The following ITGA9 variants were observed in gnomAD, a reference collection of about 807,000 sequenced individuals.
The protein encoded by ITGA9 is integrin subunit alpha 9, also known as integrin alpha-9.
ITGA9 carries 56 observed loss-of-function variants against 127.8 expected under a neutral mutation model. That is an observed-to-expected ratio of 0.44 (90% CI 0.35 to 0.55). The LOEUF (loss-of-function observed/expected upper bound fraction) is 0.55. Ranked by LOEUF, ITGA9 falls within the 20% of genes least tolerant of loss-of-function variation. The pLI is 0.00. For missense variants in ITGA9, 1,196 were observed against 1,347.1 expected (o/e 0.89, Z 1.76); for synonymous variants, 508 against 514.5 (o/e 0.99, Z 0.17).
rs368987610 is a variant in ITGA9 at position 37,629,299 on chromosome 3, G to A, written c.1802G>A (p.Arg601His). Residue 601 changes from arginine to histidine, a missense_variant, in exon 16 of 28, where the codon CGC becomes CAC. By Grantham distance (29) the Arg-to-His change is conservative. Coordinates refer to ENST00000264741, the MANE Select transcript of ITGA9 (RefSeq NM_002207.3). The surrounding 1 kb of genome is among the most constrained non-coding windows in gnomAD (Gnocchi z 4.5). ...RELPPLTPVL[R>H]WKKGQKIAQK... ...CTGCCGCCTCTGACACCAGTTCTCCGCTGGAAAAAGGGACAAAAGATTGCC... is the reference window on the plus strand; with the variant it reads ...CTGCCGCCTCTGACACCAGTTCTCCACTGGAAAAAGGGACAAAAGATTGCC... 13 of 1,613,966 alleles carry A rather than the reference G, an allele frequency of 8.1e-6. No homozygotes were observed. Among genetic ancestry groups the A allele is most frequent in the East Asian group, 6.7e-5 (3 of 44,890 alleles).
chr3:37,629,201 C>G lies in ITGA9; in HGVS notation c.1704C>G (p.Asp568Glu). The change falls in exon 16 of 28, where the codon GAC becomes GAG. Residue 568 changes from aspartate (D) to glutamate (E), a missense_variant. Asp to Glu is a conservative substitution (Grantham distance 45). Transcript: ENST00000264741. This position sits in a 1 kb window ranked among gnomAD's most constrained non-coding sequence, Gnocchi z 4.5. The stretch of plus-strand genomic sequence containing the variant: ...TATTGTTTCAGCGGAGGGTGCAGGA[C>G]GTCATCAGCCCGATCGTGTTTGAAG... ...YVAHVKRRVQ[D>E]VISPIVFEAA... 1 of 1,612,834 alleles carries G rather than the reference C, an allele frequency of 6.2e-7. No individual in the cohort carries two copies. The highest frequency in any genetic ancestry group is 8.5e-7 in the Non-Finnish European group (1 of 1,179,898).
intron 15 of ITGA9, among the ~76,000 whole-genome samples, chr3:37,544,618 G>A (rs899098301): frequency 6.6e-6 from 1 of 152,134 alleles, no homozygotes; most frequent in Non-Finnish European, 1.5e-5. Flanking sequence ...GAGTTTGGAG[G>A]CTGAGCTCAG....
intron 26 of ITGA9, among the ~76,000 whole-genome samples, chr3:37,797,765 G>A (rs982658142): frequency 4.0e-5 from 6 of 151,302 alleles, no homozygotes; most frequent in South Asian, 2.1e-4. Context: ...TCACTGTGTC[G>A]CTCAGGCTGG....
intron 15 of ITGA9, among the ~76,000 whole-genome samples, chr3:37,612,465 G>C (rs1700032372): frequency 6.6e-6 from 1 of 152,182 alleles, no homozygotes; most frequent in African/African-American, 2.4e-5. Flanking sequence ...CTATAATATA[G>C]TGTGTAATAT....
chr3:37,780,049 A>G (rs762698221), intron 25 of ITGA9, 28 bp downstream of exon 25: 1 of 1,612,922 alleles, frequency 6.2e-7, no homozygotes, highest in Non-Finnish European at 8.5e-7. Flanking sequence ...GCACTTGTGG[A>G]TGCATTTAGA....
At chr3:37,704,637 C>A (rs1700984352) in intron 18 of ITGA9, among the ~76,000 whole-genome samples, 1 of 152,216 alleles carries the variant, frequency 6.6e-6, no homozygotes, top group Non-Finnish European at 1.5e-5. Context: ...CCCAATATCA[C>A]TGGGAAAAAC....
At chr3:37,536,514 T>C (rs999175556) in intron 14 of ITGA9, among the ~76,000 whole-genome samples, 1 of 152,258 alleles carries the variant, frequency 6.6e-6, no homozygotes, top group African/African-American at 2.4e-5. Flanking sequence ...AGGATGGTTT[T>C]GAGAGCCATA....
intron 4 of ITGA9, among the ~76,000 whole-genome samples, chr3:37,487,071 G>A (rs1698617467): frequency 6.6e-6 from 1 of 151,124 alleles, no homozygotes; most frequent in South Asian, 2.1e-4. Context: ...AGGAATTGGG[G>A]TTTTGTTGTA....
At chr3:37,709,515 C>T (rs911521584) in intron 18 of ITGA9, among the ~76,000 whole-genome samples, 3 of 152,156 alleles carry the variant, frequency 2.0e-5, no homozygotes, top group Admixed American at 2.0e-4. Context: ...TAAGTGAGTC[C>T]ATGCTTTGGA....
In ITGA9 at chr3:37,651,235, TCAGGGA is replaced by T. The variant is rs577122753; in HGVS notation, c.1840-2474_1840-2469del. ...GACTAGACAGCTAGAAAAGCCAGTT[TCAGGGA>T]CAGGAAATAGTAGAGTTCAAGGAAA... On this transcript the variant is annotated intron_variant, in intron 16 of 27. Transcript: ENST00000264741. 2.2e-3 allele frequency among the ~76,000 whole-genome samples: 341 copies of T among 152,294 alleles called. 1 individual carries two copies. Among genetic ancestry groups the T allele is most frequent in the African/African-American group, 7.4e-3 (308 of 41,584 alleles).
intron 15 of ITGA9, among the ~76,000 whole-genome samples, chr3:37,559,231 A>C (rs1699461874): frequency 6.6e-6 from 1 of 152,158 alleles, no homozygotes; most frequent in Non-Finnish European, 1.5e-5. Context: ...GTAATAAATC[A>C]AACTTTTCTG....
chr3:37,771,712 G>T (rs1012212056), intron 23 of ITGA9, among the ~76,000 whole-genome samples: 5 of 152,152 alleles, frequency 3.3e-5, no homozygotes, highest in African/African-American at 1.2e-4. Context: ...ATTCCAGAAT[G>T]CTCTGTTCCC....
At chr3:37,535,288 G>A (rs1699197312) in intron 14 of ITGA9, among the ~76,000 whole-genome samples, 1 of 152,220 alleles carries the variant, frequency 6.6e-6, no homozygotes, top group Admixed American at 6.5e-5. Context: ...AAGGTAAATT[G>A]GCATAGCTGA....
intron 15 of ITGA9, among the ~76,000 whole-genome samples, chr3:37,603,067 G>A (rs997942028): frequency 7.2e-5 from 11 of 152,264 alleles, no homozygotes; most frequent in African/African-American, 2.4e-4. Context: ...CACTAAGCAC[G>A]CTACACCCTA....
intron 18 of ITGA9, among the ~76,000 whole-genome samples, chr3:37,691,990 G>T (rs372190385): frequency 5.5e-4 from 84 of 152,336 alleles, no homozygotes; most frequent in African/African-American, 2.0e-3. Context: ...GTGAAATAGA[G>T]GGAAAGTGTA....
intron 16 of ITGA9, among the ~76,000 whole-genome samples, chr3:37,631,725 G>A (rs1208773683): frequency 6.6e-6 from 1 of 152,154 alleles, no homozygotes; most frequent in Non-Finnish European, 1.5e-5. Context: ...TTACAGAGGG[G>A]GCCAGAGTAA....
chr3:37,531,629 G>A (rs145736567), intron 13 of ITGA9, among the ~76,000 whole-genome samples: 10 of 152,300 alleles, frequency 6.6e-5, no homozygotes, highest in Admixed American at 1.3e-4. Flanking sequence ...ATGACCAGGC[G>A]CGTCAGGGAC....
intron 18 of ITGA9, among the ~76,000 whole-genome samples, chr3:37,715,263 G>A (rs1701122196): frequency 1.3e-5 from 2 of 152,186 alleles, no homozygotes; most frequent in Admixed American, 1.3e-4. Flanking sequence ...CATGGTGGCA[G>A]CCACCAGAGT....
intron 16 of ITGA9, among the ~76,000 whole-genome samples, chr3:37,651,733 G>C (rs1700431306): frequency 1.3e-5 from 2 of 152,216 alleles, no homozygotes; most frequent in African/African-American, 4.8e-5. Context: ...GGATTTGCTT[G>C]TTGAAGGGTG....
Sources: gnomAD v4.1 joint callset for allele counts (sites outside exome capture counted in the v4.1 genomes callset) on GRCh38, gnomAD v4.1.1 for gene constraint, Gnocchi (gnomAD v3.1) non-coding constraint, MANE v1.5 for transcripts, NCBI Gene and HGNC (gene_info 2026-07-23, HGNC 2026-07-21) for gene names.